Variants in UBE2D2 observed in about 807,000 individuals in gnomAD.
UBE2D2 encodes the protein ubiquitin-conjugating enzyme E2 D2.
Under a neutral mutation model 24.2 loss-of-function variants are expected in UBE2D2, and 2 were observed. That is an observed-to-expected ratio of 0.08 (90% CI 0.03 to 0.26). The LOEUF is 0.26. Among genes scored for constraint, UBE2D2 ranks in the 10% least tolerant of loss-of-function variants. UBE2D2 has a pLI of 1.00. For synonymous variants in UBE2D2, 58 were observed against 56.5 expected, an observed-to-expected ratio of 1.03 and a Z score of -0.12; for missense variants, 44 against 177.6, an observed-to-expected ratio of 0.25 and a Z score of 4.28.
At chr5:139,561,183 C>T (rs754669776), upstream of UBE2D2, 1 of 152,652 alleles carries the variant, frequency 6.6e-6, no homozygotes, top group African/African-American at 2.4e-5. Flanking sequence ...AGCGTCACGC[C>T]CTCCGGGGCC....
chr5:139,527,305 A>G (rs1025897503), intron 1 of UBE2D2, among the ~76,000 whole-genome samples: 3 of 152,158 alleles, frequency 2.0e-5, no homozygotes, highest in African/African-American at 7.2e-5. Flanking sequence ...TCCCCACAGT[A>G]GTTAAGAGAA....
At chr5:139,594,170 T>C (rs1286879236) in intron 1 of UBE2D2, among the ~76,000 whole-genome samples, 1 of 152,154 alleles carries the variant, frequency 6.6e-6, no homozygotes, top group Non-Finnish European at 1.5e-5. Context: ...ATAATTGTTA[T>C]GATTGGGGAA....
chr5:139,579,296 C>G (rs906687095), intron 1 of UBE2D2, among the ~76,000 whole-genome samples: 1 of 152,008 alleles, frequency 6.6e-6, no homozygotes, highest in South Asian at 2.1e-4. Context: ...TACAGGCATG[C>G]GCCACCACAC....
At chr5:139,552,759 C>T (rs1206615666) in intron 1 of UBE2D2, among the ~76,000 whole-genome samples, 11 of 150,530 alleles carry the variant, frequency 7.3e-5, no homozygotes, top group Admixed American at 4.0e-4. Flanking sequence ...CTTGGCTCAC[C>T]GCAACCTCCA....
Position 139,566,549 on chromosome 5 carries a change from G to A in UBE2D2, c.24+4734G>A, listed in dbSNP as rs56300439. 7.9e-5 allele frequency among the ~76,000 whole-genome samples: 12 copies of A among 152,044 alleles called. No homozygotes were observed. In the East Asian group the frequency reaches 2.3e-3, roughly 29 times the overall value. On this transcript the variant is annotated intron_variant, in intron 1 of 6. Transcript: ENST00000398733. ...AATTAGCTGGGTATGGTGGTGGATG[G>A]CTGTAGTCCCAGCTAGGTGGGAGGC... is the stretch of plus-strand genomic sequence containing the variant.
chr5:139,543,634 G>C (rs1042028760), intron 1 of UBE2D2, among the ~76,000 whole-genome samples: 2 of 152,212 alleles, frequency 1.3e-5, no homozygotes, highest in African/African-American at 2.4e-5. Flanking sequence ...CTAGCGACTC[G>C]GGCCTCTCAA....
At chr5:139,582,411 A>G (rs1040159500) in intron 1 of UBE2D2, among the ~76,000 whole-genome samples, 5 of 151,740 alleles carry the variant, frequency 3.3e-5, no homozygotes, top group African/African-American at 9.7e-5. Flanking sequence ...GGGTTTCACA[A>G]TGTTGGCCAG....
intron 1 of UBE2D2, among the ~76,000 whole-genome samples, chr5:139,549,012 C>A (rs1308543399): frequency 6.6e-6 from 1 of 152,072 alleles, no homozygotes; most frequent in African/African-American, 2.4e-5. Flanking sequence ...CCATGCCCAG[C>A]TAATTTTTTG....
chr5:139,559,251 C>T (rs1346090479), upstream of UBE2D2, among the ~76,000 whole-genome samples: 2 of 151,912 alleles, frequency 1.3e-5, no homozygotes, highest in African/African-American at 4.8e-5. Flanking sequence ...AAGGTGAAAT[C>T]CCGTTTCTAC....
intron 1 of UBE2D2, among the ~76,000 whole-genome samples, chr5:139,544,151 A>G (rs897255973): frequency 6.7e-6 from 1 of 149,994 alleles, no homozygotes; most frequent in Non-Finnish European, 1.5e-5. Flanking sequence ...ATCTGTCTAG[A>G]TCTTTTTTCT....
intron 5 of UBE2D2, among the ~76,000 whole-genome samples, chr5:139,622,618 A>C (rs1213006833): frequency 6.8e-6 from 1 of 147,630 alleles, no homozygotes; most frequent in East Asian, 2.2e-4. Flanking sequence ...GGCTGGGTGC[A>C]GTGGCTCACG....
chr5:139,568,200 C>G (rs998231670), intron 1 of UBE2D2, among the ~76,000 whole-genome samples: 4 of 151,764 alleles, frequency 2.6e-5, no homozygotes, highest in African/African-American at 9.7e-5. Context: ...AAAAATTAGC[C>G]AGGTGTGGTG....
At chr5:139,606,491 A>G (rs1232795309) in intron 2 of UBE2D2, among the ~76,000 whole-genome samples, 1 of 152,156 alleles carries the variant, frequency 6.6e-6, no homozygotes, top group African/African-American at 2.4e-5. Context: ...GGCTTCATCC[A>G]GAATACTAAA....
chr5:139,604,266 G>A (rs1008919288), intron 2 of UBE2D2, among the ~76,000 whole-genome samples: 2 of 150,678 alleles, frequency 1.3e-5, no homozygotes, highest in African/African-American at 2.4e-5. Flanking sequence ...TCAGCCTCCC[G>A]AGTAGCTGAT....
rs539858131 is a variant in UBE2D2 at position 139,538,339 on chromosome 5, G to A, written c.-64+11727G>A. ...ACTTTATAGAACACTCAAGTTCATA[G>A]CAGCATTACTCACAATAGCCAAAAG... On this transcript the variant is annotated intron_variant, in intron 1 of 6. Transcript: ENST00000511725. Among the ~76,000 whole-genome samples the A allele has an allele frequency of 2.0e-5, 3 of 152,198 alleles. No individual in the cohort carries two copies. The East Asian group carries it at 5.8e-4, about 29-fold the overall frequency.
At chr5:139,585,935 C>CAAAAAAAAAAAAAAA (rs60277561) in intron 1 of UBE2D2, among the ~76,000 whole-genome samples, 1 of 25,562 alleles carries the variant, frequency 3.9e-5, no homozygotes, top group Non-Finnish European at 1.1e-4. Flanking sequence ...GACTCTGTCT[C>CAAAAAAAAAAAAAAA]AAAAAAAAAA....
At chr5:139,626,609 C>T (rs958697732) in intron 6 of UBE2D2, 147 bp from the exon 7 acceptor site, 37 of 665,944 alleles carry the variant, frequency 5.6e-5, no homozygotes, top group Non-Finnish European at 9.0e-5. Context: ...TGAATTAATC[C>T]TTATCAGAAA....
intron 1 of UBE2D2, among the ~76,000 whole-genome samples, chr5:139,534,859 C>G (rs941171540): frequency 6.6e-6 from 1 of 152,102 alleles, no homozygotes; most frequent in East Asian, 1.9e-4. Context: ...TAATTCAAGG[C>G]TGGGTGCGGT....
intron 1 of UBE2D2, among the ~76,000 whole-genome samples, chr5:139,564,413 CAA>C (rs1753173415): frequency 6.6e-6 from 1 of 150,414 alleles, no homozygotes; most frequent in South Asian, 2.1e-4. Context: ...CTCAGCCTCC[CAA>C]AGTGTTGGGA....
Sources: gnomAD v4.1 joint callset for allele counts (sites outside exome capture counted in the v4.1 genomes callset) on GRCh38, gnomAD v4.1.1 for gene constraint, MANE v1.5 for transcripts, NCBI Gene and HGNC (gene_info 2026-07-23, HGNC 2026-07-21) for gene names.